PEDS1: variants seen among roughly 807,000 people sequenced by gnomAD.
The protein encoded by PEDS1 is CarF homolog.
PEDS1 carries 14 observed loss-of-function variants against 35.2 expected under a neutral mutation model. The observed-to-expected ratio is 0.40, with a 90% CI of 0.26 to 0.62. The LOEUF (loss-of-function observed/expected upper bound fraction) is 0.62. PEDS1 is among the 20% of genes least tolerant of loss of function. The probability of loss-of-function intolerance (pLI) is 0.44; values close to 1 mark genes in which losing one functional copy is unlikely to be tolerated. For synonymous variants in PEDS1, 152 were observed against 152.0 expected (o/e 1.00, Z 0.00); for missense variants, 260 against 367.8 (o/e 0.71, Z 2.40).
intron 1 of PEDS1, among the ~76,000 whole-genome samples, chr20:50,153,185 TC>T (rs2147314903): frequency 6.6e-6 from 1 of 151,698 alleles, no homozygotes; most frequent in East Asian, 1.9e-4. Flanking sequence ...GGGGTGGGGT[TC>T]TAAGTCTAGG....
At chr20:50,140,354 A>G (rs540404026) in intron 2 of PEDS1, among the ~76,000 whole-genome samples, 71 of 152,080 alleles carry the variant, frequency 4.7e-4, no homozygotes, top group Non-Finnish European at 9.1e-4. Flanking sequence ...GATGATGTCA[A>G]CTCCCTGTGG....
chr20:50,125,248 A>T, intron 5 of PEDS1, 69 bp from the exon 6 acceptor site: 1 of 1,582,944 alleles, frequency 6.3e-7, no homozygotes, highest in Non-Finnish European at 8.6e-7. Context: ...AAGAGAGCTG[A>T]CCTTCACTGG....
Position 50,128,126 on chromosome 20 carries a change from G to A in PEDS1, c.540C>T (p.Thr180=), listed in dbSNP as rs2081131187. The A allele has an allele frequency of 3.7e-6, 6 of 1,614,206 alleles. No homozygotes were observed. Among genetic ancestry groups the A allele is most frequent in the African/African-American group, 2.7e-5 (2 of 75,060 alleles). The part of the protein sequence containing the change: ...CFVFCLIIFG[T]FTNQIHKWSH... ...ACCACTTGTGGATCTGGTTGGTGAA[G>A]GTGCCGAAGATGATCAGGCAGAAGA... The change falls in exon 5 of 6, where the codon ACC becomes ACT. Residue 180 remains threonine (T), a synonymous_variant. Coordinates refer to ENST00000371652, the MANE Select transcript of PEDS1 (RefSeq NM_199129.4). This position sits in a 1 kb window ranked among gnomAD's most constrained non-coding sequence, Gnocchi z 5.2.
chr20:50,120,939 A>G lies in PEDS1; in HGVS notation c.*4119T>C, dbSNP rs978698182. On this transcript the variant is annotated 3_prime_UTR_variant, in exon 6 of 6. Transcript: ENST00000371652. Reference sequence around the variant, plus strand: ...TAAAGAACAGTGAGCACACAGGGGTATGCAAGTTCACTACAGCTCCCCCGG... The same window carrying G: ...TAAAGAACAGTGAGCACACAGGGGTGTGCAAGTTCACTACAGCTCCCCCGG... 2.0e-5 allele frequency: 3 copies of G among 152,152 alleles called. No homozygotes were observed. The highest frequency in any genetic ancestry group is 7.2e-5 in the African/African-American group (3 of 41,406). 9.4% of individuals were successfully genotyped at this position (152,152 alleles called of 1,614,324 possible).
intron 2 of PEDS1, among the ~76,000 whole-genome samples, chr20:50,140,090 T>G (rs549950721): frequency 1.3e-5 from 2 of 152,360 alleles, no homozygotes; most frequent in African/African-American, 4.8e-5. Context: ...GACAGCTTCA[T>G]CCCTTCCATC....
intron 2 of PEDS1, among the ~76,000 whole-genome samples, chr20:50,131,319 T>G (rs762005323): frequency 6.6e-6 from 1 of 152,088 alleles, no homozygotes; most frequent in Admixed American, 6.5e-5. Flanking sequence ...CTGGGTTTGG[T>G]GTTAGAAAGA....
At chr20:50,143,106 C>T (rs940356194) in intron 2 of PEDS1, among the ~76,000 whole-genome samples, 2 of 151,982 alleles carry the variant, frequency 1.3e-5, no homozygotes, top group African/African-American at 2.4e-5. Flanking sequence ...CTGGACGGTG[C>T]AGGGCAAAGG....
intron 5 of PEDS1, among the ~76,000 whole-genome samples, chr20:50,127,340 GTTTTTTTTTTT>G (rs11471254): frequency 1.1e-5 from 1 of 87,184 alleles, no homozygotes; most frequent in Non-Finnish European, 2.1e-5. Flanking sequence ...GTGTTTTCTG[GTTTTTTTTTTT>G]TTTTTTTTTT....
intron 1 of PEDS1, among the ~76,000 whole-genome samples, chr20:50,148,632 C>T (rs995592309): frequency 1.3e-5 from 2 of 152,076 alleles, no homozygotes; most frequent in African/African-American, 4.8e-5. Context: ...CTTGGTGGGC[C>T]CAACTCTTCT....
chr20:50,147,011 G>T (rs889170124), intron 1 of PEDS1, among the ~76,000 whole-genome samples: 11 of 152,276 alleles, frequency 7.2e-5, no homozygotes, highest in African/African-American at 2.6e-4. Flanking sequence ...ACACGGAGAG[G>T]CGGTGAGAAG....
intron 1 of PEDS1, among the ~76,000 whole-genome samples, chr20:50,150,769 T>A (rs1304939494): frequency 6.6e-6 from 1 of 151,822 alleles, no homozygotes; most frequent in Non-Finnish European, 1.5e-5. Context: ...ATTGGCTCAC[T>A]GCAACAACCT....
At chr20:50,134,111 C>T (rs973721312) in intron 2 of PEDS1, among the ~76,000 whole-genome samples, 7 of 152,232 alleles carry the variant, frequency 4.6e-5, no homozygotes, top group African/African-American at 1.7e-4. Flanking sequence ...GCTCTTGCTA[C>T]CATATTGCTG....
chr20:50,133,682 C>T (rs931243069), intron 2 of PEDS1, among the ~76,000 whole-genome samples: 1 of 152,252 alleles, frequency 6.6e-6, no homozygotes. Context: ...TCCTCCTCGG[C>T]CTTCTTGCTC....
intron 2 of PEDS1, among the ~76,000 whole-genome samples, chr20:50,142,683 C>CT (rs1491137401): frequency 4.9e-5 from 2 of 40,416 alleles, no homozygotes; most frequent in African/African-American, 2.4e-4. Flanking sequence ...AAGTCATCCG[C>CT]CCCCCCCCCC....
intron 2 of PEDS1, among the ~76,000 whole-genome samples, chr20:50,139,872 G>C (rs948211039): frequency 1.3e-5 from 2 of 151,746 alleles, no homozygotes; most frequent in African/African-American, 4.8e-5. Flanking sequence ...GTGGAGACAG[G>C]GTTTCACCGT....
Position 50,124,914 on chromosome 20 carries a change from G to A in PEDS1, c.*144C>T. 9.4e-7 allele frequency: 1 copy of A among 1,068,550 alleles called. No homozygotes were observed. The highest frequency in any genetic ancestry group is 2.4e-5 in the East Asian group (1 of 41,402). 66.2% of individuals were successfully genotyped at this position (1,068,550 alleles called of 1,614,324 possible). A position where few individuals can be genotyped will look rare whatever the true frequency, so the allele number is the denominator to read the frequency against. The stretch of plus-strand genomic sequence containing the variant: ...CAGTGGCTCAAGTATTCTGTGTCAT[G>A]AGGGGTGGGCTGGGGTACCTGGGCC... On this transcript the variant is annotated 3_prime_UTR_variant, in exon 6 of 6. Coordinates refer to ENST00000371652, the MANE Select transcript of PEDS1 (RefSeq NM_199129.4).
rs2081042704 is a variant in PEDS1, at chr20:50,120,535, G to C, written c.*4523C>G. 1 of 150,642 alleles carries C rather than the reference G, an allele frequency of 6.6e-6. No individual in the cohort carries two copies. Among genetic ancestry groups the C allele is most frequent in the Non-Finnish European group, 1.5e-5 (1 of 67,804 alleles). The allele number at this position is 150,642 out of a possible 1,614,324, so 9.3% of individuals were successfully genotyped here. A position where few individuals can be genotyped will look rare whatever the true frequency, so the allele number is the denominator to read the frequency against. On this transcript the variant is annotated 3_prime_UTR_variant, in exon 6 of 6. Transcript: ENST00000371652. ...GTGGGTAGCTTGAAAAATATTTTTG[G>C]TTTATCAAAGGAGGGTTGGCTGGGC...
At chr20:50,149,661 C>G (rs1027706934) in intron 1 of PEDS1, among the ~76,000 whole-genome samples, 10 of 152,190 alleles carry the variant, frequency 6.6e-5, no homozygotes, top group African/African-American at 1.9e-4. Flanking sequence ...ACCATTCCCT[C>G]AGCCCCATGC....
At position 50,122,659 on chromosome 20, in the gene PEDS1, T is replaced by C. The variant is rs1268803720; in HGVS notation, c.*2399A>G. 1 of 152,226 alleles carries C rather than the reference T, an allele frequency of 6.6e-6. No individual in the cohort carries two copies. Among genetic ancestry groups the C allele is most frequent in the African/African-American group, 2.4e-5 (1 of 41,454 alleles). The allele number at this position is 152,226 out of a possible 1,614,324, so 9.4% of individuals were successfully genotyped here. ...GGCATTTCCCTGTCCCCAACAGGCT[T>C]TCTTTTTTCTGGCTAATATTGCAGA... On this transcript the variant is annotated 3_prime_UTR_variant, in exon 6 of 6. Coordinates refer to ENST00000371652, the MANE Select transcript of PEDS1 (RefSeq NM_199129.4).
Sources: allele counts gnomAD v4.1 joint callset (sites outside exome capture counted in the v4.1 genomes callset), GRCh38; gene constraint gnomAD v4.1.1; non-coding constraint Gnocchi (gnomAD v3.1); transcripts MANE v1.5; gene names NCBI Gene and HGNC (gene_info 2026-07-23, HGNC 2026-07-21).